The following LRP1B variants were observed in gnomAD, a reference collection of about 807,000 sequenced individuals.
LRP1B encodes LDL receptor related protein 1B.
In LRP1B, 217 loss-of-function variants were observed where a neutral mutation model predicts 556.6. The observed-to-expected ratio is 0.39, with a 90% CI of 0.35 to 0.44. The LOEUF (loss-of-function observed/expected upper bound fraction) is 0.44. LRP1B is among the 20% of genes least tolerant of loss of function. The pLI is 1.00. For synonymous variants in LRP1B, 2,047 were observed against 1,865.8 expected, an observed-to-expected ratio of 1.10 and a Z score of -2.50; for missense variants, 5,053 against 5,620.8, an observed-to-expected ratio of 0.90 and a Z score of 3.23.
chr2:141,508,083 C>CCG (rs992169587), intron 2 of LRP1B, among the ~76,000 whole-genome samples: 2 of 6,704 alleles, frequency 3.0e-4, no homozygotes, highest in Non-Finnish European at 7.7e-3. Flanking sequence ...GAGACTCCAT[C>CCG]CCCCCCCCAA....
intron 7 of LRP1B, among the ~76,000 whole-genome samples, chr2:141,075,271 G>T (rs909762839): frequency 6.6e-6 from 1 of 152,202 alleles, no homozygotes; most frequent in African/African-American, 2.4e-5. Flanking sequence ...GTCTGAGTCA[G>T]TAGGACTTCC....
chr2:140,300,928 C>A (rs1683794191), intron 83 of LRP1B, among the ~76,000 whole-genome samples: 1 of 151,828 alleles, frequency 6.6e-6, no homozygotes, highest in Non-Finnish European at 1.5e-5. Flanking sequence ...TGAGATTCAC[C>A]TTTTTTAGGT....
intron 41 of LRP1B, among the ~76,000 whole-genome samples, chr2:140,643,926 GA>G (rs1684388570): frequency 1.3e-5 from 2 of 152,120 alleles, no homozygotes; most frequent in Admixed American, 1.3e-4. Flanking sequence ...GTGGGGGGTG[GA>G]CGATATATGT....
Position 140,456,476 on chromosome 2 carries a change from T to C in LRP1B, c.9942A>G (p.Leu3314=). The C allele has an allele frequency of 1.2e-5, 19 of 1,613,220 alleles. No individual in the cohort carries two copies. Among genetic ancestry groups the C allele is most frequent in the Non-Finnish European group, 1.5e-5 (18 of 1,179,440 alleles). The change falls in exon 62 of 91, where the codon TTA becomes TTG. Residue 3314 remains leucine, a synonymous_variant. Transcript: ENST00000389484. ...TCACCTGGCTGGCTGTGCAGTTGGA[T>C]AAGCAAGTCCTATTATCAGCTGCCA... ...FYLAADNRTC[L]SNCTASQFRC... is the part of the protein sequence containing the mutation.
intron 1 of LRP1B, among the ~76,000 whole-genome samples, chr2:141,857,527 G>C (rs879363285): frequency 6.6e-6 from 1 of 151,634 alleles, no homozygotes; most frequent in Non-Finnish European, 1.5e-5. Context: ...TGTAGACATG[G>C]GGTCTCAACA....
At position 141,116,487 on chromosome 2, in the gene LRP1B, A is replaced by AAATTTT. The variant is rs1469796394; in HGVS notation, c.1014-54220_1014-54215dup. 2.1e-4 allele frequency among the ~76,000 whole-genome samples: 32 copies of AAATTTT among 152,264 alleles called. 1 individual carries two copies. The Middle Eastern group carries it at 0.024, about 113-fold the overall frequency. ...ATAGCCATATAATCATCTTTAACTT[A>AAATTTT]AATTTTAATGAGGCTTATCCAGTCA... On this transcript the variant is annotated intron_variant, in intron 7 of 90. Coordinates refer to ENST00000389484, the MANE Select transcript of LRP1B (RefSeq NM_018557.3).
At chr2:140,923,644 T>C (rs559537552) in intron 20 of LRP1B, among the ~76,000 whole-genome samples, 3 of 152,130 alleles carry the variant, frequency 2.0e-5, no homozygotes, top group Admixed American at 6.6e-5. Context: ...CTTTGAAGAA[T>C]AGCATTCAAA....
At chr2:140,251,863 TATAGTGAAGAAAATCAGA>T (rs1174645221) in intron 86 of LRP1B, among the ~76,000 whole-genome samples, 9 of 151,354 alleles carry the variant, frequency 5.9e-5, no homozygotes, top group African/African-American at 2.2e-4. Flanking sequence ...AGAAAATCAG[TATAGTGAAGAAAATCAGA>T]AAAACACAAA....
intron 2 of LRP1B, among the ~76,000 whole-genome samples, chr2:141,780,856 T>G (rs1004746893): frequency 6.6e-6 from 1 of 152,202 alleles, no homozygotes; most frequent in Non-Finnish European, 1.5e-5. Context: ...TTTCAGACAC[T>G]CAAGTCATTT....
chr2:140,951,986 G>T, intron 18 of LRP1B, 46 bp from the exon 19 acceptor site: 1 of 1,304,110 alleles, frequency 7.7e-7, no homozygotes, highest in Non-Finnish European at 1.1e-6. Flanking sequence ...GTTATTGACT[G>T]TGCATGACAT....
intron 1 of LRP1B, among the ~76,000 whole-genome samples, chr2:141,982,136 C>T (rs1016809536): frequency 3.9e-5 from 6 of 152,138 alleles, no homozygotes; most frequent in African/African-American, 1.4e-4. Flanking sequence ...CTCTCCACAA[C>T]CTATGCCTGT....
intron 3 of LRP1B, among the ~76,000 whole-genome samples, chr2:141,317,887 C>A (rs2105463958): frequency 6.6e-6 from 1 of 152,134 alleles, no homozygotes. Context: ...TCTTTGAGGT[C>A]ATGGGTTCTC....
At chr2:140,655,367 G>A (rs893709536) in intron 41 of LRP1B, among the ~76,000 whole-genome samples, 1 of 151,944 alleles carries the variant, frequency 6.6e-6, no homozygotes, top group African/African-American at 2.4e-5. Context: ...AATTTTCTAG[G>A]TTCTTATAAT....
intron 1 of LRP1B, among the ~76,000 whole-genome samples, chr2:141,943,050 T>C (rs1396046740): frequency 6.6e-6 from 1 of 152,230 alleles, no homozygotes; most frequent in Non-Finnish European, 1.5e-5. Context: ...TAAGAAAATA[T>C]TGAGTATAAC....
At chr2:141,586,946 AAAAAAG>A (rs1305983055) in intron 2 of LRP1B, among the ~76,000 whole-genome samples, 9 of 151,516 alleles carry the variant, frequency 5.9e-5, no homozygotes, top group Admixed American at 3.3e-4. Context: ...CATCTCAAAA[AAAAAAG>A]AAAAAAAAAA....
Position 140,939,885 on chromosome 2 carries a change from AT to A in LRP1B, c.3136+10349del, listed in dbSNP as rs3063651. ...AGGACATGCTGAATTATTTGGTGTA[AT>A]TTTTTTTTTTTTTTTTTGAGACAGT... On this transcript the variant is annotated intron_variant, in intron 20 of 90. Coordinates refer to ENST00000389484, the MANE Select transcript of LRP1B (RefSeq NM_018557.3). 2.2e-3 allele frequency among the ~76,000 whole-genome samples: 286 copies of A among 132,612 alleles called. 1 individual carries two copies. The highest frequency in any genetic ancestry group is 6.8e-3 in the African/African-American group (239 of 35,402). 87.0% of individuals were successfully genotyped at this position (132,612 alleles called of 152,430 possible).
At chr2:142,062,064 C>T (rs1704940389) in intron 1 of LRP1B, among the ~76,000 whole-genome samples, 2 of 151,880 alleles carry the variant, frequency 1.3e-5, no homozygotes, top group Non-Finnish European at 2.9e-5. Flanking sequence ...ATAATGTCCA[C>T]TCCAGAAGCT....
intron 2 of LRP1B, among the ~76,000 whole-genome samples, chr2:141,621,313 A>G (rs1195064724): frequency 6.6e-6 from 1 of 152,178 alleles, no homozygotes. Context: ...TCATTATTTC[A>G]TTTCATAAAA....
chr2:141,348,901 A>G (rs1341761514), intron 3 of LRP1B, among the ~76,000 whole-genome samples: 3 of 152,134 alleles, frequency 2.0e-5, no homozygotes, highest in African/African-American at 2.4e-5. Context: ...TGATGATTCT[A>G]TAAGGGGAAA....
Sources: gnomAD v4.1 joint callset for allele counts (sites outside exome capture counted in the v4.1 genomes callset) on GRCh38, gnomAD v4.1.1 for gene constraint, MANE v1.5 for transcripts, NCBI Gene and HGNC (gene_info 2026-07-23, HGNC 2026-07-21) for gene names.